ZBTB7C: variants seen among roughly 807,000 people sequenced by gnomAD.
ZBTB7C encodes zinc finger and BTB domain containing 7C.
ZBTB7C carries 8 observed loss-of-function variants against 25.7 expected under a neutral mutation model. The ratio of observed to expected loss-of-function variants is 0.31; its 90% CI spans 0.18 to 0.56. The LOEUF (loss-of-function observed/expected upper bound fraction) is 0.56. ZBTB7C is among the 20% of genes least tolerant of loss of function. The probability of loss-of-function intolerance (pLI) is 0.91; values close to 1 mark genes in which losing one functional copy is unlikely to be tolerated. For synonymous variants in ZBTB7C, 394 were observed against 369.0 expected (o/e 1.07, Z -0.78); for missense variants, 824 against 855.2 (o/e 0.96, Z 0.46).
intron 3 of ZBTB7C, among the ~76,000 whole-genome samples, chr18:48,050,137 G>T (rs1439895178): frequency 2.0e-5 from 3 of 152,184 alleles, no homozygotes; most frequent in African/African-American, 7.2e-5. Context: ...TTTACTCGTG[G>T]TCTGTAGGCA....
At chr18:48,188,073 CTGCAAGACTTCAG>C (rs2042106695) in intron 2 of ZBTB7C, among the ~76,000 whole-genome samples, 2 of 152,322 alleles carry the variant, frequency 1.3e-5, no homozygotes, top group South Asian at 2.1e-4. Flanking sequence ...CACTGTTTCT[CTGCAAGACTTCAG>C]TCCATCTTCA....
At chr18:48,403,873 T>G (rs959225273) in intron 1 of ZBTB7C, among the ~76,000 whole-genome samples, 2 of 151,142 alleles carry the variant, frequency 1.3e-5, no homozygotes, top group Admixed American at 6.6e-5. Flanking sequence ...AAAAGAGAGA[T>G]AATAAACAGG....
chr18:48,073,599 A>G (rs1194332231), intron 3 of ZBTB7C, among the ~76,000 whole-genome samples: 2 of 152,114 alleles, frequency 1.3e-5, no homozygotes, highest in African/African-American at 4.8e-5. Flanking sequence ...CCTGAGTTTG[A>G]ACAGGGAGAA....
Position 48,029,731 on chromosome 18 carries a change from C to T in ZBTB7C, c.1389G>A (p.Leu463=). Reference sequence around the variant, plus strand: ...AGCTCTGGCGCTTGATGTGGCGGTGCAGGTGGTCAGAGCGCGTGAAGCTCT... The same window carrying T: ...AGCTCTGGCGCTTGATGTGGCGGTGTAGGTGGTCAGAGCGCGTGAAGCTCT... ...CYKSFTRSDH[L]HRHIKRQSCR... The change falls in exon 5 of 5, where the codon CTG becomes CTA. Residue 463 remains leucine (L), a synonymous_variant. Transcript: ENST00000590800. 1 of 1,604,160 alleles carries T rather than the reference C, an allele frequency of 6.2e-7. No individual in the cohort carries two copies. The highest frequency in any genetic ancestry group is 8.5e-7 in the Non-Finnish European group (1 of 1,178,190).
At chr18:48,039,289 C>T (rs1024303606) in intron 4 of ZBTB7C, among the ~76,000 whole-genome samples, 3 of 152,158 alleles carry the variant, frequency 2.0e-5, no homozygotes, top group South Asian at 4.1e-4. Flanking sequence ...TACTGGTCAC[C>T]GGCTTTGCTA....
Position 48,328,671 on chromosome 18 carries a change from G to A in ZBTB7C, c.-79+9503C>T, listed in dbSNP as rs189772335. On this transcript the variant is annotated intron_variant, in intron 2 of 4. Coordinates refer to ENST00000590800, the MANE Select transcript of ZBTB7C (RefSeq NM_001318841.2). The stretch of plus-strand genomic sequence containing the variant: ...CACACAGTGAGTTCATGGCAAAGCT[G>A]GGCTGGAACGCCTATCTCCTGACTC... 3.9e-5 allele frequency among the ~76,000 whole-genome samples: 6 copies of A among 152,154 alleles called. No homozygotes were observed. The East Asian group carries it at 1.2e-3, about 29-fold the overall frequency.
chr18:48,089,387 G>A (rs550549491), intron 3 of ZBTB7C, among the ~76,000 whole-genome samples: 248 of 151,660 alleles, frequency 1.6e-3, no homozygotes, highest in Non-Finnish European at 2.7e-3. Context: ...CAGGAGAATC[G>A]CTTGAACCCG....
intron 2 of ZBTB7C, among the ~76,000 whole-genome samples, chr18:48,320,410 T>A (rs1445143648): frequency 6.6e-6 from 1 of 152,146 alleles, no homozygotes; most frequent in African/African-American, 2.4e-5. Flanking sequence ...GCAGGAAACA[T>A]CTGACACATG....
chr18:48,215,560 GTTA>G (rs2042803842), intron 2 of ZBTB7C, among the ~76,000 whole-genome samples: 2 of 152,344 alleles, frequency 1.3e-5, no homozygotes, highest in South Asian at 2.1e-4. Context: ...AAAGAGTTAA[GTTA>G]TTATTTTAAA....
chr18:48,159,798 C>A (rs1319010029), intron 3 of ZBTB7C, among the ~76,000 whole-genome samples: 6 of 152,198 alleles, frequency 3.9e-5, no homozygotes, highest in African/African-American at 1.2e-4. Flanking sequence ...GTAGTCAATG[C>A]CCAGCAGGCA....
At chr18:48,078,665 A>G in intron 3 of ZBTB7C, among the ~76,000 whole-genome samples, 1 of 152,190 alleles carries the variant, frequency 6.6e-6, no homozygotes, top group East Asian at 1.9e-4. Context: ...GAGAGCCACT[A>G]ATTTCCAAAG....
At chr18:48,275,899 A>G (rs1029645496) in intron 2 of ZBTB7C, among the ~76,000 whole-genome samples, 1 of 152,220 alleles carries the variant, frequency 6.6e-6, no homozygotes, top group African/African-American at 2.4e-5. Context: ...GAACCGATCA[A>G]CTACAGACTT....
chr18:48,101,367 G>T (rs747513473), intron 3 of ZBTB7C, among the ~76,000 whole-genome samples: 4 of 152,306 alleles, frequency 2.6e-5, no homozygotes, highest in East Asian at 1.9e-4. Context: ...AATAGTCAAA[G>T]TAAACAGGTG....
rs189717501 is a variant in ZBTB7C at position 48,403,695 on chromosome 18, T to C, written c.-304+5531A>G. On this transcript the variant is annotated intron_variant, in intron 1 of 4. Coordinates refer to ENST00000590800, the MANE Select transcript of ZBTB7C (RefSeq NM_001318841.2). ...AAACAAAAGGAGAATCAAGATTATA[T>C]CCAATAAAAGACTGCACATTGGGTA... 2.6e-5 allele frequency among the ~76,000 whole-genome samples: 4 copies of C among 152,150 alleles called. No individual in the cohort carries two copies. The East Asian group carries it at 7.7e-4, about 29-fold the overall frequency.
At chr18:48,271,278 G>C (rs2044478688) in intron 2 of ZBTB7C, among the ~76,000 whole-genome samples, 1 of 152,004 alleles carries the variant, frequency 6.6e-6, no homozygotes, top group Non-Finnish European at 1.5e-5. Flanking sequence ...GTCACACAGA[G>C]GGTACAATTA....
rs751294936 is a variant in ZBTB7C at position 48,040,147 on chromosome 18, G to GC, written c.960dup (p.Pro321AlafsTer141). On this transcript the variant is annotated frameshift_variant, in exon 4 of 5. Coordinates refer to ENST00000590800, the MANE Select transcript of ZBTB7C (RefSeq NM_001318841.2). LOFTEE classifies it high-confidence loss of function. ...TTCTCCGCCTTGATGGGTCCCAGAG[G>GC]CCCCCCCGGCAGGTCAGGGAACATG... The GC allele has an allele frequency of 1.6e-5, 25 of 1,580,394 alleles. No individual in the cohort carries two copies. Among genetic ancestry groups the GC allele is most frequent in the East Asian group, 2.2e-5 (1 of 44,632 alleles).
In ZBTB7C at chr18:48,393,428, T is replaced by C. The variant is rs545851952; in HGVS notation, c.-304+15798A>G. Among the ~76,000 whole-genome samples the C allele has an allele frequency of 1.5e-3, 227 of 152,092 alleles. 1 individual carries two copies. Among genetic ancestry groups the C allele is most frequent in the African/African-American group, 5.3e-3 (221 of 41,484 alleles). On this transcript the variant is annotated intron_variant, in intron 1 of 4. Transcript: ENST00000590800. ...GTCACGGCCTCACCAACACCCTCTC[T>C]CCCTGACTGTCTCTCACTATAAAGT...
Position 48,042,024 on chromosome 18 carries a change from C to T in ZBTB7C, c.-16-901G>A, listed in dbSNP as rs553244235. The stretch of plus-strand genomic sequence containing the variant: ...TGGCAGCCACCAGAAGAAAGCAGGG[C>T]ACGACAGGGGACAACTGGCATCCCT... On this transcript the variant is annotated intron_variant, in intron 3 of 4. Coordinates refer to ENST00000590800, the MANE Select transcript of ZBTB7C (RefSeq NM_001318841.2). Among the ~76,000 whole-genome samples, 4 of 152,282 alleles carry T rather than the reference C, an allele frequency of 2.6e-5. No individual in the cohort carries two copies. In the East Asian group the frequency reaches 7.7e-4, roughly 29 times the overall value.
chr18:48,390,432 C>T (rs996388659), intron 1 of ZBTB7C, among the ~76,000 whole-genome samples: 1 of 152,084 alleles, frequency 6.6e-6, no homozygotes, highest in Non-Finnish European at 1.5e-5. Context: ...ACACATATAA[C>T]AAAAGTAAGA....
Sources: allele counts gnomAD v4.1 joint callset (sites outside exome capture counted in the v4.1 genomes callset), GRCh38; gene constraint gnomAD v4.1.1; transcripts MANE v1.5; gene names NCBI Gene and HGNC (gene_info 2026-07-23, HGNC 2026-07-21).